The following ABHD16A variants were observed in gnomAD, a reference collection of about 807,000 sequenced individuals.
The protein encoded by ABHD16A is phosphatidylserine lipase ABHD16A.
A neutral mutation model predicts 89.8 loss-of-function variants in ABHD16A; 47 were observed. The observed-to-expected ratio is 0.52, with a 90% CI of 0.41 to 0.67. The LOEUF is 0.67. Among genes scored for constraint, ABHD16A ranks in the 30% least tolerant of loss-of-function variants. The pLI is 0.00. For missense variants in ABHD16A, 580 were observed against 734.6 expected (o/e 0.79, Z 2.43); for synonymous variants, 251 against 280.4 (o/e 0.90, Z 1.05).
intron 1 of ABHD16A, 86 bp from the exon 2 acceptor site, chr6:31,702,216 T>C (rs1805083490): frequency 7.5e-7 from 1 of 1,326,060 alleles, no homozygotes; most frequent in South Asian, 1.2e-5. Flanking sequence ...GTGTGTCCTC[T>C]GGTTCTAGTC....
chr6:31,687,578 A>T lies in ABHD16A; in HGVS notation c.1547-34T>A. On this transcript the variant is annotated intron_variant, in intron 18 of 19. Coordinates refer to ENST00000395952, the MANE Select transcript of ABHD16A (RefSeq NM_021160.3). The surrounding 1 kb of genome is among the most constrained non-coding windows in gnomAD (Gnocchi z 6.3). ...AGGAGGCGCTCAAAATAGGCCACACATCTGGGTATTCATCCCCTTCCTAGG... is the reference window on the plus strand; with the variant it reads ...AGGAGGCGCTCAAAATAGGCCACACTTCTGGGTATTCATCCCCTTCCTAGG... The T allele has an allele frequency of 8.1e-6, 13 of 1,612,888 alleles. No individual in the cohort carries two copies. Among genetic ancestry groups the T allele is most frequent in the Non-Finnish European group, 1.1e-5 (13 of 1,179,958 alleles).
chr6:31,699,191 G>A (rs1005333799), intron 4 of ABHD16A, among the ~76,000 whole-genome samples: 2 of 151,852 alleles, frequency 1.3e-5, no homozygotes, highest in Non-Finnish European at 2.9e-5. Flanking sequence ...TGGATCACGA[G>A]GTCAGGAGAT....
intron 3 of ABHD16A, 86 bp from the exon 4 acceptor site, chr6:31,701,114 A>T: frequency 5.1e-6 from 7 of 1,364,164 alleles, no homozygotes; most frequent in Non-Finnish European, 7.3e-6. Flanking sequence ...TCCACCCCAC[A>T]CTCCCTGTTT....
In ABHD16A at chr6:31,690,057, G is replaced by T; in HGVS notation, c.957+21C>A. The T allele has an allele frequency of 6.4e-7, 1 of 1,574,166 alleles. No homozygotes were observed. The highest frequency in any genetic ancestry group is 8.6e-7 in the Non-Finnish European group (1 of 1,161,560). The stretch of plus-strand genomic sequence containing the variant: ...ACAGACATAATTCAGGAAAAGGAAG[G>T]GATTCCTGAGATGGTCTCACCGTGC... On this transcript the variant is annotated intron_variant, in intron 11 of 19. Coordinates refer to ENST00000395952, the MANE Select transcript of ABHD16A (RefSeq NM_021160.3). This position sits in a 1 kb window ranked among gnomAD's most constrained non-coding sequence, Gnocchi z 4.1.
intron 1 of ABHD16A, chr6:31,702,921 CAA>C (rs1205128460): frequency 1.5e-6 from 2 of 1,297,332 alleles, no homozygotes; most frequent in South Asian, 4.9e-5. Flanking sequence ...GAGGAAAGAA[CAA>C]AGAGTGGCAG....
chr6:31,703,143 G>A lies in ABHD16A; in HGVS notation c.132+7C>T. 2 of 1,421,054 alleles carry A rather than the reference G, an allele frequency of 1.4e-6. No homozygotes were observed. Among genetic ancestry groups the A allele is most frequent in the South Asian group, 1.6e-5 (1 of 62,768 alleles). The allele number at this position is 1,421,054 out of a possible 1,614,324, so 88.0% of individuals were successfully genotyped here. A position where few individuals can be genotyped will look rare whatever the true frequency, so the allele number is the denominator to read the frequency against. On this transcript the variant is annotated splice_region_variant and intron_variant, in intron 1 of 19. Coordinates refer to ENST00000395952, the MANE Select transcript of ABHD16A (RefSeq NM_021160.3). ...CACGTTCTTCGGTGGGGAGGAACTC[G>A]ACTCACCCAGGAGCTGGAATGGGGG...
At chr6:31,701,065 C>T in intron 3 of ABHD16A, 37 bp from the exon 4 acceptor site, 2 of 1,545,828 alleles carry the variant, frequency 1.3e-6, no homozygotes, top group Non-Finnish European at 1.8e-6. Context: ...ACCCTCTCCG[C>T]AATGTCCCTC....
chr6:31,701,337 A>G lies in ABHD16A; in HGVS notation c.193T>C (p.Ser65Pro). 6.2e-7 allele frequency: 1 copy of G among 1,611,864 alleles called. No homozygotes were observed. Among genetic ancestry groups the G allele is most frequent in the Non-Finnish European group, 8.5e-7 (1 of 1,179,056 alleles). ...TAATAAGAGATGGACCAGAATACTGAAGCCTGCAGCAGAGAGACAGGGACA... is the reference window on the plus strand; with the variant it reads ...TAATAAGAGATGGACCAGAATACTGGAGCCTGCAGCAGAGAGACAGGGACA... ...KHADSILALA[S>P]VFWSISYYSS... Residue 65 changes from serine to proline, a missense_variant, in exon 3 of 20, where the codon TCA (serine) becomes CCA (proline). Physicochemically the swap from Ser to Pro is moderately conservative, Grantham distance 74. Coordinates refer to ENST00000395952, the MANE Select transcript of ABHD16A (RefSeq NM_021160.3).
chr6:31,691,465 T>G, intron 9 of ABHD16A, 114 bp downstream of exon 9: 146 of 867,670 alleles, frequency 1.7e-4, no homozygotes, highest in Non-Finnish European at 2.3e-4. Context: ...AGCTAGGACA[T>G]GAGATTATCC....
chr6:31,689,709 A>G lies in ABHD16A; in HGVS notation c.958-5T>C, dbSNP rs575917549. On this transcript the variant is annotated splice_region_variant and splice_polypyrimidine_tract_variant and intron_variant, in intron 11 of 19. Coordinates refer to ENST00000395952, the MANE Select transcript of ABHD16A (RefSeq NM_021160.3). ...ATTCTGCGGGAATGGCACCCCCTGCAGGAGAAAGGGCAAAGTCAGGAGTGT... is the reference window on the plus strand; with the variant it reads ...ATTCTGCGGGAATGGCACCCCCTGCGGGAGAAAGGGCAAAGTCAGGAGTGT... 8.7e-6 allele frequency: 14 copies of G among 1,607,820 alleles called. No homozygotes were observed. Among genetic ancestry groups the G allele is most frequent in the Non-Finnish European group, 1.2e-5 (14 of 1,177,414 alleles).
chr6:31,687,931 C>G lies in ABHD16A; in HGVS notation c.1371-31G>C. On this transcript the variant is annotated intron_variant, in intron 16 of 19. Transcript: ENST00000395952. This position sits in a 1 kb window ranked among gnomAD's most constrained non-coding sequence, Gnocchi z 6.3. Reference sequence around the variant, plus strand: ...GAGGAAGTGCCAGGACAGGTCAGGGCTGATTTTTTTTCATTCACCATCCCT... The same window carrying G: ...GAGGAAGTGCCAGGACAGGTCAGGGGTGATTTTTTTTCATTCACCATCCCT... The G allele has an allele frequency of 1.2e-6, 2 of 1,612,698 alleles. No homozygotes were observed. Among genetic ancestry groups the G allele is most frequent in the South Asian group, 1.1e-5 (1 of 91,080 alleles).
rs758566490 is a variant in ABHD16A at position 31,687,283 on chromosome 6, G to A, written c.1606C>T (p.Leu536=). The A allele has an allele frequency of 1.9e-6, 3 of 1,612,988 alleles. No individual in the cohort carries two copies. In the South Asian group the frequency reaches 3.3e-5, roughly 18 times the overall value. The stretch of plus-strand genomic sequence containing the variant: ...CAGTGAGTGGCCTCAAAGTTGTGCA[G>A]ATGCTTCCGAGCCTGAGGAAAGGAG... The part of the protein sequence containing the change: ...QLALFLARKH[L]HNFEATHCTP... The change falls in exon 20 of 20, where the codon CTG becomes TTG. Residue 536 remains leucine, a synonymous_variant. Transcript: ENST00000395952. This position sits in a 1 kb window ranked among gnomAD's most constrained non-coding sequence, Gnocchi z 6.3.
chr6:31,689,039 A>C lies in ABHD16A; in HGVS notation c.1162T>G (p.Leu388Val), dbSNP rs1429265225. The change falls in exon 13 of 20, where the codon TTG becomes GTG. Residue 388 changes from leucine to valine, a missense_variant. Transcript: ENST00000395952. ...ASFDDLVPLA[L>V]KVMPDSWRGL... The stretch of plus-strand genomic sequence containing the variant: ...CTCCAGCTGTCTGGCATGACCTTCA[A>C]GGCCAAGGGCACCAGGTCATCAAAG... 6.2e-7 allele frequency: 1 copy of C among 1,613,822 alleles called. No individual in the cohort carries two copies. Among genetic ancestry groups the C allele is most frequent in the Non-Finnish European group, 8.5e-7 (1 of 1,179,926 alleles).
intron 4 of ABHD16A, among the ~76,000 whole-genome samples, chr6:31,699,726 C>G (rs1205181101): frequency 6.6e-6 from 1 of 151,976 alleles, no homozygotes; most frequent in African/African-American, 2.4e-5. Context: ...GCATGTGCCA[C>G]CATGCCCAGT....
intron 2 of ABHD16A, 26 bp from the exon 3 acceptor site, chr6:31,701,366 A>G: frequency 6.5e-7 from 1 of 1,545,672 alleles, no homozygotes; most frequent in Non-Finnish European, 8.8e-7. Flanking sequence ...AGGGACAGGC[A>G]ATCAATACAC....
chr6:31,703,321 C>A lies in ABHD16A; in HGVS notation c.-40G>T. On this transcript the variant is annotated 5_prime_UTR_variant, in exon 1 of 20. Coordinates refer to ENST00000395952, the MANE Select transcript of ABHD16A (RefSeq NM_021160.3). ...CCGCTGCTCTTCCAGCAGCAGGTCC[C>A]CCTGCCGGCCCCGCCCTCCCTGCCT... The A allele has an allele frequency of 1.5e-6, 2 of 1,330,334 alleles. No individual in the cohort carries two copies. Among genetic ancestry groups the A allele is most frequent in the East Asian group, 5.8e-5 (2 of 34,444 alleles). The allele number at this position is 1,330,334 out of a possible 1,614,324, so 82.4% of individuals were successfully genotyped here. A position where few individuals can be genotyped will look rare whatever the true frequency, so the allele number is the denominator to read the frequency against.
chr6:31,700,498 A>G (rs1245105051), intron 4 of ABHD16A, among the ~76,000 whole-genome samples: 1 of 152,200 alleles, frequency 6.6e-6, no homozygotes, highest in Non-Finnish European at 1.5e-5. Flanking sequence ...ATTACAAACA[A>G]TGTTGTATGC....
chr6:31,702,243 T>C, intron 1 of ABHD16A, 113 bp from the exon 2 acceptor site: 1 of 1,037,708 alleles, frequency 9.6e-7, no homozygotes, highest in Non-Finnish European at 1.4e-6. Flanking sequence ...ACTATCTCTC[T>C]TGAAACATCC....
chr6:31,703,050 A>G, intron 1 of ABHD16A, 100 bp downstream of exon 1: 1 of 1,371,148 alleles, frequency 7.3e-7, no homozygotes. Flanking sequence ...CTTGACAAGC[A>G]GGCTCCCCTT....
Sources: gnomAD v4.1 joint callset for allele counts (sites outside exome capture counted in the v4.1 genomes callset) on GRCh38, gnomAD v4.1.1 for gene constraint, Gnocchi (gnomAD v3.1) non-coding constraint, MANE v1.5 for transcripts, NCBI Gene and HGNC (gene_info 2026-07-23, HGNC 2026-07-21) for gene names.